The following ELMO1 variants were observed in gnomAD, a reference collection of about 807,000 sequenced individuals.
The protein encoded by ELMO1 is engulfment and cell motility 1.
A neutral mutation model predicts 98.9 loss-of-function variants in ELMO1; 26 were observed. The observed-to-expected ratio is 0.26, with a 90% CI of 0.19 to 0.36. ELMO1 has a LOEUF of 0.36. Among genes scored for constraint, ELMO1 ranks in the 10% least tolerant of loss-of-function variants. The pLI is 1.00. For synonymous variants in ELMO1, 346 were observed against 346.0 expected, an observed-to-expected ratio of 1.00 and a Z score of 0.00; for missense variants, 627 against 935.2, an observed-to-expected ratio of 0.67 and a Z score of 4.30.
chr7:36,882,722 T>C (rs1041043519), intron 18 of ELMO1, among the ~76,000 whole-genome samples: 1 of 152,234 alleles, frequency 6.6e-6, no homozygotes, highest in Non-Finnish European at 1.5e-5. Context: ...TGTACAATGG[T>C]CATAATTATA....
chr7:37,168,842 G>A (rs1789939649), intron 13 of ELMO1, among the ~76,000 whole-genome samples: 1 of 152,208 alleles, frequency 6.6e-6, no homozygotes, highest in Non-Finnish European at 1.5e-5. Flanking sequence ...CCAGCTGCGT[G>A]CTGGGAGAAC....
At chr7:37,339,123 G>A (rs1485935943) in intron 2 of ELMO1, among the ~76,000 whole-genome samples, 2 of 152,224 alleles carry the variant, frequency 1.3e-5, no homozygotes, top group Non-Finnish European at 2.9e-5. Flanking sequence ...AACACTCAAA[G>A]ACAGGCAGTT....
intron 1 of ELMO1, among the ~76,000 whole-genome samples, chr7:37,372,712 C>T (rs1802166500): frequency 6.6e-6 from 1 of 152,204 alleles, no homozygotes. Flanking sequence ...TCATAAACAA[C>T]TGTCACCCTA....
At chr7:37,004,066 A>T (rs1792875796) in intron 16 of ELMO1, among the ~76,000 whole-genome samples, 1 of 151,876 alleles carries the variant, frequency 6.6e-6, no homozygotes, top group Admixed American at 6.6e-5. Flanking sequence ...CAAGATAAAT[A>T]TTTTTTTTAA....
At chr7:37,202,938 C>G (rs576600338) in intron 13 of ELMO1, among the ~76,000 whole-genome samples, 1 of 152,166 alleles carries the variant, frequency 6.6e-6, no homozygotes, top group Non-Finnish European at 1.5e-5. Context: ...GTTTCTCCCC[C>G]TCCCCAAGAA....
At chr7:36,984,531 C>T (rs1791353545) in intron 16 of ELMO1, among the ~76,000 whole-genome samples, 1 of 152,222 alleles carries the variant, frequency 6.6e-6, no homozygotes, top group Admixed American at 6.5e-5. Flanking sequence ...TGTAACCATT[C>T]ATCACAGGTC....
At chr7:37,326,504 G>A (rs372548288) in intron 2 of ELMO1, among the ~76,000 whole-genome samples, 6 of 147,474 alleles carry the variant, frequency 4.1e-5, no homozygotes, top group Non-Finnish European at 8.9e-5. Context: ...GCAGTGAGCC[G>A]AGATCGCACC....
chr7:37,331,875 A>T (rs1800144166), intron 2 of ELMO1, among the ~76,000 whole-genome samples: 1 of 150,184 alleles, frequency 6.7e-6, no homozygotes, highest in African/African-American at 2.5e-5. Context: ...CGTGAAGAAA[A>T]GCAAAACTGT....
intron 16 of ELMO1, among the ~76,000 whole-genome samples, chr7:36,910,259 G>T (rs745911572): frequency 2.0e-5 from 3 of 152,238 alleles, no homozygotes; most frequent in Non-Finnish European, 4.4e-5. Context: ...GCAGAGCAGG[G>T]ATTTGAACCT....
intron 13 of ELMO1, among the ~76,000 whole-genome samples, chr7:37,199,611 A>C (rs912360769): frequency 6.6e-6 from 1 of 152,202 alleles, no homozygotes; most frequent in Non-Finnish European, 1.5e-5. Flanking sequence ...AGAAGGGAGT[A>C]ACATATCCCA....
chr7:36,868,920 C>T (rs142279789), intron 20 of ELMO1, among the ~76,000 whole-genome samples: 1,636 of 152,300 alleles, frequency 0.011, 18 homozygotes, highest in Non-Finnish European at 0.016. Flanking sequence ...TCGGCTGAAG[C>T]TGAGCAGAGC....
chr7:37,233,861 C>A (rs569586046), intron 7 of ELMO1, among the ~76,000 whole-genome samples: 1 of 152,286 alleles, frequency 6.6e-6, no homozygotes, highest in East Asian at 1.9e-4. Flanking sequence ...TGGAGATAAT[C>A]ACTCCACATA....
At position 36,960,214 on chromosome 7, in the gene ELMO1, C is replaced by T. The variant is rs552218495; in HGVS notation, c.1437+53085G>A. Reference sequence around the variant, plus strand: ...CTGTGTGCCCCCACACAGGTAATAACTTTATTTGCCTTTTCTCCAGTTAAT... The same window carrying T: ...CTGTGTGCCCCCACACAGGTAATAATTTTATTTGCCTTTTCTCCAGTTAAT... On this transcript the variant is annotated intron_variant, in intron 16 of 21. Coordinates refer to ENST00000310758, the MANE Select transcript of ELMO1 (RefSeq NM_014800.11). Among the ~76,000 whole-genome samples the T allele has an allele frequency of 3.3e-5, 5 of 152,246 alleles. No homozygotes were observed. In the East Asian group the frequency reaches 7.7e-4, roughly 24 times the overall value.
chr7:36,953,931 G>T (rs949793654), intron 16 of ELMO1, among the ~76,000 whole-genome samples: 2 of 150,646 alleles, frequency 1.3e-5, no homozygotes, highest in African/African-American at 4.9e-5. Flanking sequence ...GGAAGAAGGG[G>T]AATTAAATGT....
At chr7:37,397,353 T>C (rs1240562140) in intron 1 of ELMO1, among the ~76,000 whole-genome samples, 1 of 152,220 alleles carries the variant, frequency 6.6e-6, no homozygotes, top group Non-Finnish European at 1.5e-5. Context: ...TGACAGAAAA[T>C]TGATAGAAGG....
intron 2 of ELMO1, among the ~76,000 whole-genome samples, chr7:37,335,149 T>C (rs997202015): frequency 1.3e-5 from 2 of 151,834 alleles, no homozygotes; most frequent in Non-Finnish European, 2.9e-5. Context: ...TAACTGCAAA[T>C]AAAAGCTACA....
intron 14 of ELMO1, among the ~76,000 whole-genome samples, chr7:37,115,754 A>AC (rs1491318615): frequency 1.5e-5 from 2 of 136,396 alleles, no homozygotes; most frequent in Non-Finnish European, 3.1e-5. Flanking sequence ...GTGCAATAAG[A>AC]AAAAAAAAAA....
At chr7:36,873,511 G>A (rs138621481) in intron 19 of ELMO1, among the ~76,000 whole-genome samples, 1 of 152,340 alleles carries the variant, frequency 6.6e-6, no homozygotes, top group Non-Finnish European at 1.5e-5. Flanking sequence ...GTTTGAGCTG[G>A]GTTGAGACCA....
intron 1 of ELMO1, among the ~76,000 whole-genome samples, chr7:37,377,719 GA>G (rs1421858703): frequency 3.3e-5 from 5 of 152,108 alleles, no homozygotes; most frequent in Non-Finnish European, 7.4e-5. Context: ...AATTTAAGCA[GA>G]ACCTCTGAGA....
Sources: gnomAD v4.1 joint callset for allele counts (sites outside exome capture counted in the v4.1 genomes callset) on GRCh38, gnomAD v4.1.1 for gene constraint, MANE v1.5 for transcripts, NCBI Gene and HGNC (gene_info 2026-07-23, HGNC 2026-07-21) for gene names.